EXT1: variants seen among roughly 807,000 people sequenced by gnomAD.
EXT1 encodes the protein exostosin glycosyltransferase 1.
In EXT1, 20 loss-of-function variants were observed where a neutral mutation model predicts 82.5. The observed-to-expected ratio is 0.24, with a 90% confidence interval of 0.17 to 0.35. The LOEUF is 0.35. Among genes scored for constraint, EXT1 ranks in the 10% least tolerant of loss-of-function variants. EXT1 has a pLI of 1.00. For synonymous variants in EXT1, 348 were observed against 350.8 expected, an observed-to-expected ratio of 0.99 and a Z score of 0.09; for missense variants, 757 against 936.5, an observed-to-expected ratio of 0.81 and a Z score of 2.50.
chr8:117,970,102 T>A (rs1814907916), intron 1 of EXT1, among the ~76,000 whole-genome samples: 1 of 152,180 alleles, frequency 6.6e-6, no homozygotes, highest in African/African-American at 2.4e-5. Flanking sequence ...TTAGGTGGAA[T>A]TCATGAACTG....
intron 10 of EXT1, among the ~76,000 whole-genome samples, chr8:117,801,422 G>C (rs2129684683): frequency 6.6e-6 from 1 of 152,346 alleles, no homozygotes; most frequent in African/African-American, 2.4e-5. Flanking sequence ...ATCAAATGGA[G>C]CTGACTGGTT....
chr8:117,838,126 A>G (rs977719134), intron 1 of EXT1, among the ~76,000 whole-genome samples: 12 of 152,238 alleles, frequency 7.9e-5, no homozygotes, highest in South Asian at 2.1e-4. Context: ...GAGTTTAAGA[A>G]AACTTGGGAA....
Position 117,837,219 on chromosome 8 carries a change from G to A in EXT1, c.963-18C>T. On this transcript the variant is annotated intron_variant, in intron 1 of 10. Transcript: ENST00000378204. ...AATCATACCTAGAAAGAGAAGAGGA[G>A]TAAACAGCAAATGAAGACTCATTGC... is the stretch of plus-strand genomic sequence containing the variant. 1 of 1,595,550 alleles carries A rather than the reference G, an allele frequency of 6.3e-7. No homozygotes were observed. Among genetic ancestry groups the A allele is most frequent in the Non-Finnish European group, 8.6e-7 (1 of 1,163,324 alleles).
At position 117,907,459 on chromosome 8, in the gene EXT1, C is replaced by T. The variant is rs186645933; in HGVS notation, c.963-70258G>A. Among the ~76,000 whole-genome samples, 298 of 152,276 alleles carry T rather than the reference C, an allele frequency of 2.0e-3. 2 individuals carry two copies. The highest frequency in any genetic ancestry group is 6.4e-3 in the African/African-American group (268 of 41,560). ...AATAGGAAGTGTGCTTCCTGTCCAT[C>T]CTTTGACTTTTGCTGTCAGTGGGAA... On this transcript the variant is annotated intron_variant, in intron 1 of 10. Coordinates refer to ENST00000378204, the MANE Select transcript of EXT1 (RefSeq NM_000127.3).
intron 1 of EXT1, among the ~76,000 whole-genome samples, chr8:117,865,118 T>G (rs1448612997): frequency 6.6e-6 from 1 of 152,136 alleles, no homozygotes; most frequent in East Asian, 1.9e-4. Context: ...CCTCTGTAAA[T>G]TTCACTTCCC....
At chr8:117,902,255 T>TAA (rs138742080) in intron 1 of EXT1, among the ~76,000 whole-genome samples, 7,513 of 150,468 alleles carry the variant, frequency 0.05, 612 homozygotes, top group African/African-American at 0.17. Flanking sequence ...ACAGGTAACT[T>TAA]AAAAAAAAAT....
chr8:117,918,697 C>A (rs574683339), intron 1 of EXT1, among the ~76,000 whole-genome samples: 1 of 152,262 alleles, frequency 6.6e-6, no homozygotes, highest in Admixed American at 6.5e-5. Flanking sequence ...TGCATGGAGG[C>A]GAACTGAGCG....
chr8:117,930,861 T>C (rs561402068), intron 1 of EXT1, among the ~76,000 whole-genome samples: 1 of 152,282 alleles, frequency 6.6e-6, no homozygotes, highest in Non-Finnish European at 1.5e-5. Flanking sequence ...GCCAGCCAAA[T>C]CCCACCAAAA....
chr8:118,022,007 C>T (rs1245888096), intron 1 of EXT1, among the ~76,000 whole-genome samples: 3 of 152,158 alleles, frequency 2.0e-5, no homozygotes, highest in Non-Finnish European at 2.9e-5. Context: ...CAAATCTGCA[C>T]TATCCTATTA....
intron 1 of EXT1, among the ~76,000 whole-genome samples, chr8:118,067,899 T>C (rs1000918021): frequency 3.3e-5 from 5 of 152,210 alleles, no homozygotes; most frequent in Admixed American, 2.6e-4. Context: ...AAATCATTTA[T>C]TTTCCCACTG....
intron 1 of EXT1, among the ~76,000 whole-genome samples, chr8:118,052,940 G>A (rs1337212119): frequency 6.6e-6 from 1 of 152,202 alleles, no homozygotes; most frequent in Non-Finnish European, 1.5e-5. Context: ...CTGTTGCAGT[G>A]TTGGGGGATC....
At chr8:117,860,525 T>C (rs1371136499) in intron 1 of EXT1, among the ~76,000 whole-genome samples, 2 of 152,238 alleles carry the variant, frequency 1.3e-5, no homozygotes, top group Non-Finnish European at 2.9e-5. Flanking sequence ...GGTGATTCAG[T>C]ATGTCCTTTG....
intron 1 of EXT1, among the ~76,000 whole-genome samples, chr8:117,962,172 G>A (rs1726305682): frequency 1.3e-5 from 2 of 152,150 alleles, no homozygotes; most frequent in Admixed American, 6.5e-5. Context: ...CCACTTCCTG[G>A]TAGAAGAATA....
chr8:117,973,930 C>A (rs28648988), intron 1 of EXT1, among the ~76,000 whole-genome samples: 2 of 79,500 alleles, frequency 2.5e-5, no homozygotes, highest in African/African-American at 5.4e-5. Flanking sequence ...AGGCAGAAAG[C>A]AAGGAAGGAA....
At position 118,110,899 on chromosome 8, in the gene EXT1, T is replaced by C. The variant is rs772811741; in HGVS notation, c.148A>G (p.Ser50Gly). The stretch of plus-strand genomic sequence containing the variant: ...AAGCGGGGCCAGAAATGATCCGGAC[T>C]GGGGTGGTGCAAGCCATTCCTACCG... ...HSGRNGLHHP[S>G]PDHFWPRFPD... The change falls in exon 1 of 11, where the codon AGT becomes GGT. Residue 50 changes from serine (S) to glycine (G), a missense_variant. By Grantham distance (56) the Ser-to-Gly change is moderately conservative. This residue lies in a region of EXT1 where 175 missense variants were observed against 159.0 expected (regional missense o/e 1.10). Coordinates refer to ENST00000378204, the MANE Select transcript of EXT1 (RefSeq NM_000127.3). The C allele has an allele frequency of 1.2e-5, 19 of 1,613,968 alleles. No homozygotes were observed. Among genetic ancestry groups the C allele is most frequent in the South Asian group, 1.1e-5 (1 of 91,074 alleles).
At chr8:118,019,357 C>T (rs1235168962) in intron 1 of EXT1, among the ~76,000 whole-genome samples, 1 of 152,146 alleles carries the variant, frequency 6.6e-6, no homozygotes, top group African/African-American at 2.4e-5. Flanking sequence ...ATCTCTAAAT[C>T]GTCTTCTGTG....
intron 1 of EXT1, among the ~76,000 whole-genome samples, chr8:118,080,365 T>G (rs17506079): frequency 9.8e-4 from 150 of 152,294 alleles, no homozygotes; most frequent in African/African-American, 3.6e-3. Context: ...ATTTCACCAT[T>G]CTTTAGATTC....
intron 1 of EXT1, among the ~76,000 whole-genome samples, chr8:117,952,135 A>G (rs1455129290): frequency 2.0e-5 from 3 of 152,356 alleles, no homozygotes; most frequent in South Asian, 2.1e-4. Flanking sequence ...CAAAAGAACT[A>G]ATTCGGTAAT....
At chr8:117,814,241 G>A (rs1331222765) in intron 7 of EXT1, among the ~76,000 whole-genome samples, 2 of 123,392 alleles carry the variant, frequency 1.6e-5, no homozygotes, top group African/African-American at 5.9e-5. Flanking sequence ...AGTGGTGTGT[G>A]TGTGTGTGTG....
Sources: allele counts gnomAD v4.1 joint callset (sites outside exome capture counted in the v4.1 genomes callset), GRCh38; gene constraint gnomAD v4.1.1; regional missense constraint gnomAD v4.1.1; transcripts MANE v1.5; gene names NCBI Gene and HGNC (gene_info 2026-07-23, HGNC 2026-07-21).